The following CEP63 variants were observed in gnomAD, a reference collection of about 807,000 sequenced individuals.
The protein encoded by CEP63 is centrosomal protein 63.
In CEP63, 84 loss-of-function variants were observed where a neutral mutation model predicts 89.1. The observed-to-expected ratio is 0.94, with a 90% CI of 0.79 to 1.13. CEP63 has a LOEUF of 1.13. Ranked by LOEUF, CEP63 falls within the 50% of genes most tolerant of loss-of-function variation. The pLI is 0.00. For missense variants in CEP63, 838 were observed against 813.3 expected (o/e 1.03, Z -0.37); for synonymous variants, 267 against 272.5 (o/e 0.98, Z 0.20).
Position 134,561,678 on chromosome 3 carries a change from C to T in CEP63, c.*143C>T, listed in dbSNP as rs1441307517. On this transcript the variant is annotated 3_prime_UTR_variant, in exon 15 of 15. Transcript: ENST00000675561. The stretch of plus-strand genomic sequence containing the variant: ...AGCAGTGGTGAAGAAAGCTGAAAAA[C>T]TGATACTTTTGATAGGCATTTTCTC... The T allele has an allele frequency of 2.5e-5, 36 of 1,468,608 alleles. No homozygotes were observed. Among genetic ancestry groups the T allele is most frequent in the Middle Eastern group, 4.9e-4 (2 of 4,052 alleles). The allele number at this position is 1,468,608 out of a possible 1,614,324, so 91.0% of individuals were successfully genotyped here. A position where few individuals can be genotyped will look rare whatever the true frequency, so the allele number is the denominator to read the frequency against.
chr3:134,730,988 A>G, the CEP63 span, among the ~76,000 whole-genome samples: 1 of 152,206 alleles, frequency 6.6e-6, no homozygotes, highest in African/African-American at 2.4e-5. Context: ...CCAAGCTGGT[A>G]TAGCTACATT....
At chr3:134,714,038 A>G in the CEP63 span, among the ~76,000 whole-genome samples, 1 of 152,174 alleles carries the variant, frequency 6.6e-6, no homozygotes, top group South Asian at 2.1e-4. Flanking sequence ...GGCTGGGGCC[A>G]AGTGGACACC....
At chr3:134,529,339 CTTTTTT>C (rs66493822) in intron 3 of CEP63, among the ~76,000 whole-genome samples, 1 of 116,938 alleles carries the variant, frequency 8.6e-6, no homozygotes. Context: ...TCCCCATTGA[CTTTTTT>C]TTTTTTTTTT....
chr3:134,664,422 C>T, the CEP63 span, among the ~76,000 whole-genome samples: 1 of 152,204 alleles, frequency 6.6e-6, no homozygotes, highest in African/African-American at 2.4e-5. Flanking sequence ...AGGACACAAG[C>T]GCAGACATGC....
the CEP63 span, among the ~76,000 whole-genome samples, chr3:134,636,164 T>A: frequency 6.6e-6 from 1 of 152,338 alleles, no homozygotes; most frequent in South Asian, 2.1e-4. Context: ...TTCTGAAGTA[T>A]GAATCAAATA....
At chr3:134,654,106 A>C in the CEP63 span, among the ~76,000 whole-genome samples, 1 of 152,202 alleles carries the variant, frequency 6.6e-6, no homozygotes, top group Non-Finnish European at 1.5e-5. Flanking sequence ...CAAATTCAAC[A>C]CTTAGACACA....
the CEP63 span, among the ~76,000 whole-genome samples, chr3:134,616,020 G>A: frequency 6.6e-5 from 10 of 152,364 alleles, no homozygotes; most frequent in Admixed American, 5.9e-4. Context: ...AGCTGGTGAT[G>A]CTAAAGCCAT....
the CEP63 span, among the ~76,000 whole-genome samples, chr3:134,649,770 G>A: frequency 6.6e-6 from 1 of 152,222 alleles, no homozygotes; most frequent in African/African-American, 2.4e-5. Context: ...TAGTGGCAAG[G>A]CCATCCACAG....
At chr3:134,516,579 T>C (rs997736125) in intron 3 of CEP63, among the ~76,000 whole-genome samples, 2 of 152,222 alleles carry the variant, frequency 1.3e-5, no homozygotes, top group Non-Finnish European at 2.9e-5. Flanking sequence ...TACCTGGCTT[T>C]CCTAGGCAGA....
At chr3:134,575,668 T>C (rs1313820012), downstream of CEP63, among the ~76,000 whole-genome samples, 1 of 145,798 alleles carries the variant, frequency 6.9e-6, no homozygotes, top group African/African-American at 2.5e-5. Flanking sequence ...TTGGAGTGCA[T>C]TGGCATAATC....
the CEP63 span, among the ~76,000 whole-genome samples, chr3:134,740,120 G>A: frequency 6.6e-6 from 1 of 152,176 alleles, no homozygotes; most frequent in Admixed American, 6.5e-5. Context: ...TTACTCCCTG[G>A]GGGTCTTTAA....
chr3:134,720,960 G>A, the CEP63 span, among the ~76,000 whole-genome samples: 7 of 152,108 alleles, frequency 4.6e-5, no homozygotes, highest in East Asian at 3.9e-4. Context: ...GCTATTTTGC[G>A]TCTCTAAAAT....
intron 3 of CEP63, among the ~76,000 whole-genome samples, chr3:134,523,449 G>T (rs556401998): frequency 1.3e-5 from 2 of 151,970 alleles, no homozygotes; most frequent in East Asian, 1.9e-4. Context: ...TGTCTTTGTC[G>T]TGAAATCTTT....
the CEP63 span, among the ~76,000 whole-genome samples, chr3:134,736,393 G>A: frequency 6.6e-6 from 1 of 151,990 alleles, no homozygotes; most frequent in African/African-American, 2.4e-5. Flanking sequence ...TGTAAAGGAA[G>A]AAAAGAAAAT....
intron 11 of CEP63, among the ~76,000 whole-genome samples, chr3:134,573,893 A>C (rs1345710097): frequency 6.6e-6 from 1 of 152,160 alleles, no homozygotes; most frequent in Non-Finnish European, 1.5e-5. Flanking sequence ...TGTTAGAGTT[A>C]GGCCCTGAGG....
downstream of CEP63, among the ~76,000 whole-genome samples, chr3:134,566,350 A>G (rs1957759011): frequency 6.6e-6 from 1 of 152,166 alleles, no homozygotes; most frequent in Admixed American, 6.5e-5. Context: ...ATAATATTAA[A>G]TGCAAAAAAT....
intron 6 of CEP63, among the ~76,000 whole-genome samples, chr3:134,543,945 A>G (rs1255310022): frequency 1.5e-5 from 2 of 134,628 alleles, no homozygotes; most frequent in African/African-American, 5.6e-5. Flanking sequence ...CCTTTATACC[A>G]TTGTAGGGAT....
At chr3:134,771,980 A>G in the CEP63 span, among the ~76,000 whole-genome samples, 18 of 152,222 alleles carry the variant, frequency 1.2e-4, no homozygotes, top group African/African-American at 4.1e-4. Flanking sequence ...TGTATTCTGT[A>G]TCCCCGGCTT....
the CEP63 span, among the ~76,000 whole-genome samples, chr3:134,725,302 A>G: frequency 6.6e-6 from 1 of 151,242 alleles, no homozygotes; most frequent in Non-Finnish European, 1.5e-5. Context: ...ACAATTTTGT[A>G]TTTTTTTTTA....
Sources: gnomAD v4.1 joint callset for allele counts (sites outside exome capture counted in the v4.1 genomes callset) on GRCh38, gnomAD v4.1.1 for gene constraint, MANE v1.5 for transcripts, NCBI Gene and HGNC (gene_info 2026-07-23, HGNC 2026-07-21) for gene names.